TERF1: variants seen among roughly 807,000 people sequenced by gnomAD.
TERF1 encodes the protein telomeric repeat-binding factor 1.
Under a neutral mutation model 55.1 loss-of-function variants are expected in TERF1, and 20 were observed. That is an observed-to-expected ratio of 0.36 (90% CI 0.26 to 0.53). TERF1 has a LOEUF of 0.53. Among genes scored for constraint, TERF1 ranks in the 20% least tolerant of loss-of-function variants. The pLI is 0.91. For synonymous variants in TERF1, 168 were observed against 181.2 expected, an observed-to-expected ratio of 0.93 and a Z score of 0.59; for missense variants, 439 against 535.7, an observed-to-expected ratio of 0.82 and a Z score of 1.78.
chr8:73,033,763 A>C (rs1018943545), intron 8 of TERF1, among the ~76,000 whole-genome samples: 3 of 152,196 alleles, frequency 2.0e-5, no homozygotes, highest in African/African-American at 7.2e-5. Context: ...AACTCTTTGC[A>C]AACTGGCTTG....
intron 8 of TERF1, among the ~76,000 whole-genome samples, chr8:73,038,039 G>A (rs531986718): frequency 6.8e-6 from 1 of 147,482 alleles, no homozygotes; most frequent in East Asian, 2.0e-4. Flanking sequence ...GCCAGCAGTA[G>A]GTAGGTAGGT....
chr8:73,043,360 GA>G (rs1053282077), intron 9 of TERF1: 5 of 151,820 alleles, frequency 3.3e-5, no homozygotes, highest in African/African-American at 4.8e-5. Flanking sequence ...TTCAATAGAA[GA>G]AAAAAATAAA....
At chr8:73,025,975 G>A (rs1369510481) in intron 5 of TERF1, among the ~76,000 whole-genome samples, 4 of 151,420 alleles carry the variant, frequency 2.6e-5, no homozygotes, top group Admixed American at 6.6e-5. Flanking sequence ...TGGGTAGATC[G>A]CTTGATCCCA....
At chr8:73,010,118 C>A (rs1808226963) in intron 1 of TERF1, 1 of 152,072 alleles carries the variant, frequency 6.6e-6, no homozygotes, top group East Asian at 1.9e-4. Flanking sequence ...TCATAGTTGG[C>A]GCTAAAATTA....
chr8:73,014,386 G>A (rs949851579), intron 2 of TERF1, among the ~76,000 whole-genome samples: 1 of 152,062 alleles, frequency 6.6e-6, no homozygotes, highest in Admixed American at 6.6e-5. Context: ...GTGTTTCATT[G>A]ACTCTATTTG....
At chr8:73,021,653 G>A (rs747983858) in intron 3 of TERF1, among the ~76,000 whole-genome samples, 6 of 151,872 alleles carry the variant, frequency 4.0e-5, no homozygotes, top group African/African-American at 1.5e-4. Context: ...AGGTAACTGG[G>A]ACACCAAGAG....
intron 2 of TERF1, among the ~76,000 whole-genome samples, chr8:73,015,964 A>T (rs1808484977): frequency 6.6e-6 from 1 of 152,156 alleles, no homozygotes. Flanking sequence ...AGTGTAAAAA[A>T]TGTTAGTAAG....
At chr8:73,033,642 G>A (rs1048748286) in intron 8 of TERF1, among the ~76,000 whole-genome samples, 11 of 152,248 alleles carry the variant, frequency 7.2e-5, no homozygotes, top group Middle Eastern at 3.4e-3. Context: ...GCTGAGGCAC[G>A]AGAATCCAGC....
intron 2 of TERF1, among the ~76,000 whole-genome samples, chr8:73,018,413 C>T (rs1459713369): frequency 2.0e-5 from 3 of 152,200 alleles, no homozygotes; most frequent in African/African-American, 4.8e-5. Flanking sequence ...TGGTGGCTCA[C>T]GCCTGTAATC....
chr8:73,039,404 A>G (rs1190936225), intron 9 of TERF1, among the ~76,000 whole-genome samples, 185 bp downstream of exon 9: 3 of 152,156 alleles, frequency 2.0e-5, no homozygotes, highest in African/African-American at 7.2e-5. Context: ...TACTTCACCC[A>G]TATTTAAAAA....
chr8:73,034,292 C>T (rs1328384627), intron 8 of TERF1, among the ~76,000 whole-genome samples: 3 of 152,228 alleles, frequency 2.0e-5, no homozygotes, highest in African/African-American at 4.8e-5. Flanking sequence ...CCACCACACC[C>T]GGCAGATTTT....
intron 6 of TERF1, among the ~76,000 whole-genome samples, chr8:73,028,588 T>TC: frequency 1.3e-5 from 2 of 149,458 alleles, no homozygotes; most frequent in Admixed American, 1.3e-4. Flanking sequence ...TTTTTTTTTT[T>TC]TTTTTTTACA....
chr8:73,027,521 C>T (rs1809065773), intron 6 of TERF1, among the ~76,000 whole-genome samples: 3 of 152,136 alleles, frequency 2.0e-5, no homozygotes, highest in South Asian at 4.1e-4. Flanking sequence ...TTGTGTCAGT[C>T]CTATATATTG....
chr8:73,039,273 T>G, intron 9 of TERF1, 54 bp downstream of exon 9: 1 of 1,229,264 alleles, frequency 8.1e-7, no homozygotes, highest in African/African-American at 1.5e-5. Context: ...AGTTATAACT[T>G]GAATAATTGT....
At chr8:73,021,793 A>G (rs1393944976) in intron 3 of TERF1, among the ~76,000 whole-genome samples, 1 of 152,218 alleles carries the variant, frequency 6.6e-6, no homozygotes, top group Non-Finnish European at 1.5e-5. Context: ...TTAGGTGTGT[A>G]TTAGATATTT....
chr8:73,031,922 G>A (rs1809302888), intron 7 of TERF1, 120 bp from the exon 8 acceptor site: 3 of 599,954 alleles, frequency 5.0e-6, no homozygotes, highest in African/African-American at 1.9e-5. Flanking sequence ...GAGCACCAAA[G>A]GAAGTAGGCC....
chr8:73,046,095 C>G lies in TERF1; in HGVS notation c.1278C>G (p.Thr426=). The G allele has an allele frequency of 6.2e-7, 1 of 1,603,472 alleles. No homozygotes were observed. Among genetic ancestry groups the G allele is most frequent in the South Asian group, 1.1e-5 (1 of 88,786 alleles). Residue 426 remains threonine (T), a synonymous_variant, in exon 10 of 10, where the codon ACC becomes ACG. Coordinates refer to ENST00000276603, the MANE Select transcript of TERF1 (RefSeq NM_017489.3). ...TCATGTTAAAAGACAGATGGAGGAC[C>G]ATGAAGAAACTAAAACTGATTTCCT... ...TSVMLKDRWR[T]MKKLKLISSD...
At chr8:73,030,757 TA>T (rs1809248871) in intron 7 of TERF1, 1 of 169,612 alleles carries the variant, frequency 5.9e-6, no homozygotes, top group Non-Finnish European at 1.3e-5. Flanking sequence ...ATGCCAATTT[TA>T]TGAAAGTTAC....
At chr8:73,027,100 G>A in intron 6 of TERF1, 48 bp downstream of exon 6, 1 of 1,327,154 alleles carries the variant, frequency 7.5e-7, no homozygotes, top group Non-Finnish European at 1.0e-6. Flanking sequence ...TGAATGTTCT[G>A]TCTTTATGTA....
Sources: gnomAD v4.1 joint callset for allele counts (sites outside exome capture counted in the v4.1 genomes callset) on GRCh38, gnomAD v4.1.1 for gene constraint, MANE v1.5 for transcripts, NCBI Gene and HGNC (gene_info 2026-07-23, HGNC 2026-07-21) for gene names.